The following ST18 variants were observed in gnomAD, a reference collection of about 807,000 sequenced individuals.
ST18 encodes the protein suppression of tumorigenicity 18 protein.
A neutral mutation model predicts 110.0 loss-of-function variants in ST18; 50 were observed. That is an observed-to-expected ratio of 0.45 (90% CI 0.36 to 0.58). The LOEUF (loss-of-function observed/expected upper bound fraction) is 0.58. Ranked by LOEUF, ST18 falls within the 20% of genes least tolerant of loss-of-function variation. The pLI is 0.00. For synonymous variants in ST18, 461 were observed against 452.4 expected (o/e 1.02, Z -0.24); for missense variants, 1,306 against 1,280.1 (o/e 1.02, Z -0.31).
At chr8:52,284,001 CA>C (rs1290901830) in intron 2 of ST18, among the ~76,000 whole-genome samples, 2 of 152,196 alleles carry the variant, frequency 1.3e-5, no homozygotes, top group African/African-American at 4.8e-5. Context: ...AAAATGGGAT[CA>C]GTCAGCTTGG....
intron 3 of ST18, among the ~76,000 whole-genome samples, chr8:52,225,065 T>C (rs746643464): frequency 3.8e-4 from 58 of 152,324 alleles, no homozygotes; most frequent in Admixed American, 2.2e-3. Flanking sequence ...TTCACTGTGA[T>C]AGATATGAAG....
chr8:52,222,096 T>A (rs2086987337), intron 3 of ST18: 1 of 152,186 alleles, frequency 6.6e-6, no homozygotes, highest in Non-Finnish European at 1.5e-5. Flanking sequence ...CTGAAAGTAA[T>A]GGCTTTTTGT....
intron 2 of ST18, among the ~76,000 whole-genome samples, chr8:52,239,768 A>G (rs1048127524): frequency 6.6e-6 from 1 of 152,064 alleles, no homozygotes; most frequent in Non-Finnish European, 1.5e-5. Flanking sequence ...ATAGGACCCC[A>G]GATGGGAGAA....
At chr8:52,313,991 C>T (rs956885041) in intron 2 of ST18, among the ~76,000 whole-genome samples, 3 of 152,188 alleles carry the variant, frequency 2.0e-5, no homozygotes, top group Non-Finnish European at 2.9e-5. Flanking sequence ...CAGCTGATGG[C>T]TCCACTGGGC....
At chr8:52,283,420 C>T (rs557361716) in intron 2 of ST18, among the ~76,000 whole-genome samples, 2 of 152,206 alleles carry the variant, frequency 1.3e-5, no homozygotes, top group South Asian at 4.2e-4. Flanking sequence ...TAGGTCACTC[C>T]ACAGTCTGGG....
intron 9 of ST18, among the ~76,000 whole-genome samples, chr8:52,175,314 TTTACCTAGGATAA>T (rs1252438744): frequency 1.3e-5 from 2 of 152,108 alleles, no homozygotes; most frequent in Non-Finnish European, 2.9e-5. Flanking sequence ...GGCTTAGTTT[TTTACCTAGGATAA>T]TTACTAACAT....
intron 2 of ST18, among the ~76,000 whole-genome samples, chr8:52,271,114 G>T (rs943045711): frequency 2.9e-4 from 44 of 152,028 alleles, no homozygotes; most frequent in African/African-American, 8.5e-4. Context: ...TAGCCAGGTT[G>T]GTCTCGATCT....
chr8:52,137,962 A>G (rs777373047), intron 17 of ST18: 38 of 159,606 alleles, frequency 2.4e-4, no homozygotes, highest in South Asian at 5.4e-4. Flanking sequence ...TTAGCCAGGC[A>G]TGGTGGTGCA....
intron 2 of ST18, among the ~76,000 whole-genome samples, chr8:52,284,106 C>T (rs980101661): frequency 6.6e-6 from 1 of 152,042 alleles, no homozygotes; most frequent in East Asian, 1.9e-4. Context: ...GTCAAGAAAG[C>T]GAGATGACGC....
chr8:52,259,357 A>T (rs2094612645), intron 2 of ST18, among the ~76,000 whole-genome samples: 1 of 152,156 alleles, frequency 6.6e-6, no homozygotes, highest in Non-Finnish European at 1.5e-5. Context: ...CTGGGATTAA[A>T]CCAATCAACC....
chr8:52,262,765 C>A (rs1362441194), intron 2 of ST18, among the ~76,000 whole-genome samples: 1 of 152,230 alleles, frequency 6.6e-6, no homozygotes, highest in Non-Finnish European at 1.5e-5. Flanking sequence ...CCCAAGGCTG[C>A]CTTTGCAGCT....
intron 15 of ST18, among the ~76,000 whole-genome samples, chr8:52,157,043 G>C (rs984919366): frequency 6.6e-6 from 1 of 152,214 alleles, no homozygotes; most frequent in African/African-American, 2.4e-5. Flanking sequence ...TGCAGGATGA[G>C]CTCCGTGGAG....
chr8:52,203,486 A>G (rs995653632), intron 8 of ST18, among the ~76,000 whole-genome samples: 3 of 152,204 alleles, frequency 2.0e-5, no homozygotes, highest in Admixed American at 6.5e-5. Flanking sequence ...ACCAGAGCAC[A>G]TGATATTTGG....
chr8:52,325,286 G>A (rs1357420486), intron 2 of ST18, among the ~76,000 whole-genome samples: 1 of 152,116 alleles, frequency 6.6e-6, no homozygotes, highest in African/African-American at 2.4e-5. Flanking sequence ...TCCAAGTCTG[G>A]GTACCTGAGA....
chr8:52,161,274 G>A, intron 14 of ST18, 101 bp downstream of exon 14: 1 of 1,183,942 alleles, frequency 8.4e-7, no homozygotes, highest in Admixed American at 2.4e-5. Context: ...GCTGTATGTA[G>A]TATATCATAT....
intron 2 of ST18, among the ~76,000 whole-genome samples, chr8:52,312,063 G>T (rs1461964770): frequency 6.6e-6 from 1 of 152,176 alleles, no homozygotes; most frequent in Non-Finnish European, 1.5e-5. Flanking sequence ...CACGAGATAT[G>T]TTATGGGTTA....
At chr8:52,403,146 C>G (rs977684953) in intron 2 of ST18, among the ~76,000 whole-genome samples, 1 of 151,988 alleles carries the variant, frequency 6.6e-6, no homozygotes, top group Non-Finnish European at 1.5e-5. Flanking sequence ...TTCTAGGTAG[C>G]TTGTTCCCAG....
At chr8:52,306,777 T>C (rs115715609) in intron 2 of ST18, among the ~76,000 whole-genome samples, 1,749 of 152,248 alleles carry the variant, frequency 0.011, 39 homozygotes, top group African/African-American at 0.04. Context: ...TTTATTGATA[T>C]AATATAGATG....
chr8:52,397,853 G>A (rs745468586), intron 2 of ST18, among the ~76,000 whole-genome samples: 5 of 152,020 alleles, frequency 3.3e-5, no homozygotes, highest in Non-Finnish European at 5.9e-5. Flanking sequence ...TACTATAGCT[G>A]TGTAATATAA....
Sources: gnomAD v4.1 joint callset for allele counts (sites outside exome capture counted in the v4.1 genomes callset) on GRCh38, gnomAD v4.1.1 for gene constraint, MANE v1.5 for transcripts, NCBI Gene and HGNC (gene_info 2026-07-23, HGNC 2026-07-21) for gene names.